STAMBP: variants seen among roughly 807,000 people sequenced by gnomAD.
STAMBP encodes the protein STAM binding protein, also known as STAM-binding protein.
In STAMBP, 31 loss-of-function variants were observed where a neutral mutation model predicts 50.7. The ratio of observed to expected loss-of-function variants is 0.61; its 90% confidence interval spans 0.46 to 0.83. The LOEUF is 0.83. Ranked by LOEUF, STAMBP falls within the 40% of genes least tolerant of loss-of-function variation. The probability of loss-of-function intolerance (pLI) is 0.00; values close to 1 mark genes in which losing one functional copy is unlikely to be tolerated. For synonymous variants in STAMBP, 211 were observed against 192.4 expected (o/e 1.10, Z -0.80); for missense variants, 472 against 518.9 (o/e 0.91, Z 0.88).
chr2:73,862,277 CT>C lies in STAMBP; in HGVS notation c.*20del. On this transcript the variant is annotated 3_prime_UTR_variant, in exon 10 of 10. Coordinates refer to ENST00000394070, the MANE Select transcript of STAMBP (RefSeq NM_213622.4). ...TTCGATGAGCGTTTGAGTCCAACAC[CT>C]TCCAAGAACAACAAAACCATATCAG... 6.2e-7 allele frequency: 1 copy of C among 1,604,912 alleles called. No individual in the cohort carries two copies. Among genetic ancestry groups the C allele is most frequent in the Admixed American group, 1.7e-5 (1 of 57,830 alleles).
intron 2 of STAMBP, among the ~76,000 whole-genome samples, chr2:73,837,811 G>A (rs1396946534): frequency 6.6e-6 from 1 of 152,050 alleles, no homozygotes; most frequent in Admixed American, 6.5e-5. Context: ...TTGTTAATAA[G>A]GCTAGGGAAT....
Position 73,830,899 on chromosome 2 carries a change from G to A in STAMBP, c.43G>A (p.Val15Met). 6.2e-7 allele frequency: 1 copy of A among 1,613,898 alleles called. No individual in the cohort carries two copies. The highest frequency in any genetic ancestry group is 1.1e-5 in the South Asian group (1 of 91,070). ...GDVSLPPEDRVRALSQLGSAV... is the reference protein window; with the variant it reads ...GDVSLPPEDRMRALSQLGSAV... ...TGTGAGCCTCCCGCCCGAAGACCGG[G>A]TGAGGGCTCTCTCCCAGCTGGGTAG... The change falls in exon 2 of 10, where the codon GTG (valine) becomes ATG (methionine). Residue 15 changes from valine (V) to methionine (M), a missense_variant. Transcript: ENST00000394070.
chr2:73,866,996 CTG>C lies in STAMBP; in HGVS notation c.*4741_*4742del, dbSNP rs1218175123. ...CACTCTATCTCATCACTGTTACTGT[CTG>C]TGTAGCCCTGTCATGAGCTAAAATC... On this transcript the variant is annotated 3_prime_UTR_variant, in exon 10 of 10. Coordinates refer to ENST00000394070, the MANE Select transcript of STAMBP (RefSeq NM_213622.4). 6.6e-6 allele frequency: 1 copy of C among 152,228 alleles called. No homozygotes were observed. The highest frequency in any genetic ancestry group is 1.5e-5 in the Non-Finnish European group (1 of 68,056). The allele number at this position is 152,228 out of a possible 1,614,324, so 9.4% of individuals were successfully genotyped here.
intron 9 of STAMBP, among the ~76,000 whole-genome samples, chr2:73,861,190 G>A (rs1437710164): frequency 6.6e-6 from 1 of 152,150 alleles, no homozygotes; most frequent in Non-Finnish European, 1.5e-5. Context: ...CTCACCATGT[G>A]ACAGTAGGTA....
At chr2:73,848,225 G>A (rs557443183) in intron 5 of STAMBP, among the ~76,000 whole-genome samples, 22 of 152,038 alleles carry the variant, frequency 1.4e-4, no homozygotes, top group African/African-American at 4.8e-4. Context: ...TAGCTTGCTG[G>A]CTGTCTCACA....
chr2:73,852,293 T>C (rs1676924778), intron 7 of STAMBP, among the ~76,000 whole-genome samples: 2 of 152,104 alleles, frequency 1.3e-5, no homozygotes, highest in African/African-American at 4.8e-5. Context: ...TTTGGGGCCT[T>C]GCAGTGATCA....
chr2:73,863,852 T>C lies in STAMBP; in HGVS notation c.*1593T>C, dbSNP rs1017549229. The C allele has an allele frequency of 6.6e-6, 1 of 152,248 alleles. No homozygotes were observed. Among genetic ancestry groups the C allele is most frequent in the African/African-American group, 2.4e-5 (1 of 41,460 alleles). 9.4% of individuals were successfully genotyped at this position (152,248 alleles called of 1,614,324 possible). ...GTTGGCTTTTACCAAGTCTCTTTGT[T>C]TTTAGCATTTCTTCATTCCAGTCTG... is the stretch of plus-strand genomic sequence containing the variant. On this transcript the variant is annotated 3_prime_UTR_variant, in exon 10 of 10. Transcript: ENST00000394070.
chr2:73,870,064 C>T (rs561528030), downstream of STAMBP: 14 of 152,262 alleles, frequency 9.2e-5, no homozygotes, highest in African/African-American at 1.4e-4. Context: ...TATCCTTTTT[C>T]GAATTTCTTC....
At chr2:73,868,955 A>G (rs577318411), downstream of STAMBP, among the ~76,000 whole-genome samples, 36 of 152,378 alleles carry the variant, frequency 2.4e-4, no homozygotes, top group African/African-American at 8.7e-4. Flanking sequence ...ACCCAGCGTC[A>G]TACTTAATAA....
At chr2:73,848,370 A>G (rs960669842) in intron 5 of STAMBP, among the ~76,000 whole-genome samples, 4 of 152,190 alleles carry the variant, frequency 2.6e-5, no homozygotes, top group Non-Finnish European at 5.9e-5. Context: ...CTTCCAGAAG[A>G]GTAAGTTCAG....
At chr2:73,835,353 CAAAAA>C (rs71406834) in intron 2 of STAMBP, among the ~76,000 whole-genome samples, 2 of 87,394 alleles carry the variant, frequency 2.3e-5, no homozygotes. Flanking sequence ...GACTCGGTCT[CAAAAA>C]AAAAAAAAAA....
chr2:73,872,041 G>A (rs1387809506), downstream of STAMBP, among the ~76,000 whole-genome samples: 1 of 152,058 alleles, frequency 6.6e-6, no homozygotes, highest in Non-Finnish European at 1.5e-5. Context: ...CCAAAGTGCT[G>A]GGATTACAGA....
intron 7 of STAMBP, among the ~76,000 whole-genome samples, chr2:73,858,159 AT>A (rs35630978): frequency 0.033 from 2,276 of 68,338 alleles, 133 homozygotes; most frequent in African/African-American, 0.11. Flanking sequence ...ATTGTTTTGT[AT>A]TTTTTTTTTT....
At chr2:73,855,094 A>T (rs539717192) in intron 7 of STAMBP, among the ~76,000 whole-genome samples, 1 of 152,242 alleles carries the variant, frequency 6.6e-6, no homozygotes, top group East Asian at 1.9e-4. Flanking sequence ...AACCTTGTCA[A>T]CTATGAATCA....
intron 8 of STAMBP, 45 bp downstream of exon 8, chr2:73,859,411 G>A (rs1678011840): frequency 6.8e-7 from 1 of 1,477,252 alleles, no homozygotes; most frequent in Admixed American, 1.7e-5. Context: ...GGGGGTAGTA[G>A]GGAAGAAAGC....
intron 3 of STAMBP, 97 bp from the exon 4 acceptor site, chr2:73,845,070 T>C: frequency 1.3e-6 from 2 of 1,565,914 alleles, no homozygotes; most frequent in East Asian, 2.3e-5. Flanking sequence ...TAAATCATTT[T>C]GGGAAATGTT....
chr2:73,839,198 G>A (rs1202339303), intron 2 of STAMBP, among the ~76,000 whole-genome samples: 1 of 152,130 alleles, frequency 6.6e-6, no homozygotes, highest in Non-Finnish European at 1.5e-5. Context: ...AATGATCTCA[G>A]GCATATTTCC....
downstream of STAMBP, among the ~76,000 whole-genome samples, chr2:73,869,785 T>C (rs1391360899): frequency 1.3e-5 from 2 of 152,150 alleles, no homozygotes; most frequent in Non-Finnish European, 2.9e-5. Context: ...AGTAATTTGA[T>C]ACTGACCGAG....
chr2:73,861,667 C>T (rs1042881682), intron 9 of STAMBP, among the ~76,000 whole-genome samples: 18 of 150,468 alleles, frequency 1.2e-4, no homozygotes, highest in African/African-American at 3.2e-4. Flanking sequence ...TACAGGTGCG[C>T]GCCGCCACAC....
Sources: gnomAD v4.1 joint callset for allele counts (sites outside exome capture counted in the v4.1 genomes callset) on GRCh38, gnomAD v4.1.1 for gene constraint, MANE v1.5 for transcripts, NCBI Gene and HGNC (gene_info 2026-07-23, HGNC 2026-07-21) for gene names.